Variants in PWP1 observed in about 807,000 individuals in gnomAD.
PWP1 encodes periodic tryptophan protein 1 homolog.
In PWP1, 47 loss-of-function variants were observed where a neutral mutation model predicts 69.9. The observed-to-expected ratio is 0.67, with a 90% CI of 0.53 to 0.86. The LOEUF is 0.86. Among genes scored for constraint, PWP1 ranks in the 40% least tolerant of loss-of-function variants. The pLI is 0.00. For synonymous variants in PWP1, 222 were observed against 208.2 expected (o/e 1.07, Z -0.57); for missense variants, 551 against 608.8 (o/e 0.91, Z 1.00).
chr12:107,709,207 T>A lies in PWP1; in HGVS notation c.1265T>A (p.Leu422Gln). 1 of 1,613,896 alleles carries A rather than the reference T, an allele frequency of 6.2e-7. No homozygotes were observed. Among genetic ancestry groups the A allele is most frequent in the Non-Finnish European group, 8.5e-7 (1 of 1,179,800 alleles). The change falls in exon 13 of 15, where the codon CTA (leucine) becomes CAA (glutamine). Residue 422 changes from leucine (L) to glutamine (Q), a missense_variant. Transcript: ENST00000412830. ...IWDILGDRPS[L>Q]VHSRDMKMGV... ...GACATCTTAGGAGATAGGCCAAGTC[T>A]AGTTCATTCTAGGGACATGAAAATG...
Position 107,704,759 on chromosome 12 carries a change from A to C in PWP1, c.1077+12A>C, listed in dbSNP as rs1889781364. ...CTTGTCATTTCTTGGTAAGAGTACG[A>C]ATGTTGTTGTTTTGCTTTTCTAGGT... On this transcript the variant is annotated intron_variant, in intron 11 of 14. Coordinates refer to ENST00000412830, the MANE Select transcript of PWP1 (RefSeq NM_007062.3). 1 of 1,605,250 alleles carries C rather than the reference A, an allele frequency of 6.2e-7. No homozygotes were observed. The highest frequency in any genetic ancestry group is 8.5e-7 in the Non-Finnish European group (1 of 1,172,238).
intron 14 of PWP1, among the ~76,000 whole-genome samples, 155 bp downstream of exon 14, chr12:107,710,665 G>C (rs1485533581): frequency 2.6e-5 from 4 of 151,974 alleles, no homozygotes; most frequent in African/African-American, 9.7e-5. Context: ...TGGGATTACA[G>C]GTGTGAGCCA....
chr12:107,687,867 A>G (rs529304041), intron 1 of PWP1, among the ~76,000 whole-genome samples: 11 of 151,994 alleles, frequency 7.2e-5, no homozygotes, highest in African/African-American at 2.7e-4. Flanking sequence ...CCCAGTCTCT[A>G]CCAAAATACA....
Position 107,708,976 on chromosome 12 carries a change from G to A in PWP1, c.1128G>A (p.Lys376=). Reference sequence around the variant, plus strand: ...ATAATTTGGATGCACGTTCAGATAAGCCAATTTTTACACTTAATGCACACA... The same window carrying A: ...ATAATTTGGATGCACGTTCAGATAAACCAATTTTTACACTTAATGCACACA... ...FVYNLDARSD[K]PIFTLNAHND... The change falls in exon 12 of 15, where the codon AAG becomes AAA. Residue 376 remains lysine (K), a synonymous_variant. Transcript: ENST00000412830. The A allele has an allele frequency of 6.2e-7, 1 of 1,613,894 alleles. No homozygotes were observed. The highest frequency in any genetic ancestry group is 8.5e-7 in the Non-Finnish European group (1 of 1,179,908).
chr12:107,693,961 C>T (rs968581035), intron 5 of PWP1, among the ~76,000 whole-genome samples: 4 of 152,076 alleles, frequency 2.6e-5, no homozygotes, highest in African/African-American at 9.7e-5. Context: ...TTTTTTGGAA[C>T]CAAAACATCG....
rs1329394625 is a variant in PWP1, at chr12:107,688,469, G to T, written c.94G>T (p.Val32Leu). The change falls in exon 2 of 15, where the codon GTA becomes TTA. Residue 32 changes from valine to leucine, a missense_variant. Val to Leu is a conservative substitution (Grantham distance 32, BLOSUM62 1). Transcript: ENST00000412830. ...PDKVELSKEE[V>L]KRLIAEAKEK... ...ACAGGTAGAGCTGAGTAAAGAAGAA[G>T]TAAAACGCCTCATTGCTGAGGCAAA... is the stretch of plus-strand genomic sequence containing the variant. 2 of 1,614,010 alleles carry T rather than the reference G, an allele frequency of 1.2e-6. No individual in the cohort carries two copies. The highest frequency in any genetic ancestry group is 1.7e-6 in the Non-Finnish European group (2 of 1,179,976).
At chr12:107,704,385 G>A (rs142242514) in intron 10 of PWP1, among the ~76,000 whole-genome samples, 257 of 152,268 alleles carry the variant, frequency 1.7e-3, no homozygotes, top group Non-Finnish European at 3.2e-3. Flanking sequence ...TTCTTCTTGC[G>A]AGTGGAAGAT....
At chr12:107,704,429 T>TA (rs1450717149) in intron 10 of PWP1, among the ~76,000 whole-genome samples, 2 of 152,236 alleles carry the variant, frequency 1.3e-5, no homozygotes, top group Non-Finnish European at 2.9e-5. Context: ...ACTGTAACGT[T>TA]AGAGGCACCA....
intron 1 of PWP1, chr12:107,686,284 A>C (rs1889363466): frequency 4.2e-6 from 2 of 477,434 alleles, no homozygotes; most frequent in Non-Finnish European, 7.7e-6. Context: ...GTAATACCCC[A>C]AAAGGCTTTT....
At chr12:107,706,495 C>G (rs1466253774) in intron 11 of PWP1, among the ~76,000 whole-genome samples, 1 of 152,134 alleles carries the variant, frequency 6.6e-6, no homozygotes, top group East Asian at 1.9e-4. Context: ...ATGGTATTGC[C>G]TAGGTTTTCT....
intron 11 of PWP1, among the ~76,000 whole-genome samples, chr12:107,705,399 C>G (rs1344448303): frequency 6.7e-6 from 1 of 148,562 alleles, no homozygotes; most frequent in African/African-American, 2.5e-5. Flanking sequence ...AATTTAAGTT[C>G]TAGGATACAT....
intron 5 of PWP1, among the ~76,000 whole-genome samples, chr12:107,696,029 C>CTTT (rs397700499): frequency 0.059 from 6,093 of 103,618 alleles, 433 homozygotes; most frequent in Non-Finnish European, 0.08. Flanking sequence ...ATATTGGAAT[C>CTTT]TTTTTTTTTT....
At chr12:107,705,372 GT>G (rs549542883) in intron 11 of PWP1, among the ~76,000 whole-genome samples, 1,813 of 140,988 alleles carry the variant, frequency 0.013, 14 homozygotes, top group Middle Eastern at 0.029. Flanking sequence ...GTGAGAAAGA[GT>G]TTTTTTTTTT....
chr12:107,695,982 C>T (rs1482628790), intron 5 of PWP1, among the ~76,000 whole-genome samples: 5 of 150,554 alleles, frequency 3.3e-5, no homozygotes, highest in Non-Finnish European at 1.5e-5. Flanking sequence ...CACAAGATGG[C>T]ACTGTATTAG....
chr12:107,688,636 T>C lies in PWP1; in HGVS notation c.153T>C (p.Asp51=), dbSNP rs901399446. 2 of 1,613,994 alleles carry C rather than the reference T, an allele frequency of 1.2e-6. No individual in the cohort carries two copies. Among genetic ancestry groups the C allele is most frequent in the Non-Finnish European group, 1.7e-6 (2 of 1,179,958 alleles). ...EKLQEEGGGS[D]EEETGSPSED... ...ATAGAGAAGAAGGTGGTGGCAGTGATGAAGAGGAGACAGGCAGTCCTTCAG... is the reference window on the plus strand; with the variant it reads ...ATAGAGAAGAAGGTGGTGGCAGTGACGAAGAGGAGACAGGCAGTCCTTCAG... The change falls in exon 3 of 15, where the codon GAT becomes GAC. Residue 51 remains aspartate, a synonymous_variant. Coordinates refer to ENST00000412830, the MANE Select transcript of PWP1 (RefSeq NM_007062.3).
chr12:107,710,159 G>A (rs1294529758), intron 13 of PWP1, among the ~76,000 whole-genome samples: 2 of 152,208 alleles, frequency 1.3e-5, no homozygotes, highest in Admixed American at 1.3e-4. Flanking sequence ...TGAGTGGCCT[G>A]AGTGGTCAGA....
Position 107,708,075 on chromosome 12 carries a change from A to C in PWP1, c.1078-851A>C, listed in dbSNP as rs373586949. On this transcript the variant is annotated intron_variant, in intron 11 of 14. Transcript: ENST00000412830. ...TTCTAGCCAGGCAGCCTGAAGCCTG[A>C]CTTATTTTTACAATGATCATTCCAG... Among the ~76,000 whole-genome samples the C allele has an allele frequency of 6.6e-4, 100 of 152,264 alleles. 1 individual carries two copies. Among genetic ancestry groups the C allele is most frequent in the African/African-American group, 2.3e-3 (96 of 41,562 alleles).
At chr12:107,704,141 A>G (rs1353947078) in intron 10 of PWP1, among the ~76,000 whole-genome samples, 1 of 152,260 alleles carries the variant, frequency 6.6e-6, no homozygotes, top group Non-Finnish European at 1.5e-5. Context: ...AACAGATAGT[A>G]GAAGCCAAAA....
intron 5 of PWP1, among the ~76,000 whole-genome samples, chr12:107,695,220 C>T (rs768204947): frequency 4.8e-4 from 72 of 151,520 alleles, no homozygotes; most frequent in Admixed American, 7.9e-4. Flanking sequence ...GGGCTGAGAT[C>T]GTGTCACTGC....
Sources: allele counts gnomAD v4.1 joint callset (sites outside exome capture counted in the v4.1 genomes callset), GRCh38; gene constraint gnomAD v4.1.1; transcripts MANE v1.5; gene names NCBI Gene and HGNC (gene_info 2026-07-23, HGNC 2026-07-21).